Variants in TAB2 observed in about 807,000 individuals in gnomAD.
TAB2 encodes the protein TGF-beta activated kinase 1 (MAP3K7) binding protein 2, also known as TGF-beta-activated kinase 1 and MAP3K7-binding protein 2.
In TAB2, 3 loss-of-function variants were observed where a neutral mutation model predicts 65.0. That is an observed-to-expected ratio of 0.05 (90% confidence interval 0.02 to 0.12). The LOEUF (loss-of-function observed/expected upper bound fraction) is 0.12, where lower values mean the gene tolerates loss of function less well. Ranked by LOEUF, TAB2 falls within the 10% of genes least tolerant of loss-of-function variation. The pLI is 1.00. For synonymous variants in TAB2, 298 were observed against 285.1 expected, an observed-to-expected ratio of 1.05 and a Z score of -0.46; for missense variants, 623 against 840.3, an observed-to-expected ratio of 0.74 and a Z score of 3.20.
At chr6:149,355,945 T>G (rs147651571) in intron 1 of TAB2, among the ~76,000 whole-genome samples, 1 of 152,118 alleles carries the variant, frequency 6.6e-6, no homozygotes, top group African/African-American at 2.4e-5. Flanking sequence ...ATTTTTCAAA[T>G]GTATTGCCAC....
chr6:149,316,119 CGTTAAA>C (rs35795559), upstream of TAB2, among the ~76,000 whole-genome samples: 1,540 of 152,202 alleles, frequency 0.01, 26 homozygotes, highest in African/African-American at 0.035. Flanking sequence ...TGCTGTAAAG[CGTTAAA>C]GTTAATGATT....
At chr6:149,283,652 G>A (rs773526561) in intron 1 of TAB2, among the ~76,000 whole-genome samples, 1 of 152,136 alleles carries the variant, frequency 6.6e-6, no homozygotes, top group Non-Finnish European at 1.5e-5. Flanking sequence ...AGAGATTGCA[G>A]TGAGCCGAGA....
At chr6:149,351,886 C>G (rs1780502644) in intron 1 of TAB2, among the ~76,000 whole-genome samples, 1 of 152,136 alleles carries the variant, frequency 6.6e-6, no homozygotes, top group African/African-American at 2.4e-5. Flanking sequence ...TAGGTTATCT[C>G]TGTTTTAAAC....
At chr6:149,222,809 G>GTC (rs1166501850) in intron 1 of TAB2, among the ~76,000 whole-genome samples, 3 of 152,114 alleles carry the variant, frequency 2.0e-5, no homozygotes, top group African/African-American at 7.2e-5. Context: ...GCAAGACTGT[G>GTC]TCTCTCTCTC....
At chr6:149,358,633 C>G (rs1780745587) in intron 1 of TAB2, among the ~76,000 whole-genome samples, 1 of 15,452 alleles carries the variant, frequency 6.5e-5, no homozygotes, top group South Asian at 2.1e-3. Context: ...TTTTTCTCTT[C>G]AGAACTCTGT....
upstream of TAB2, among the ~76,000 whole-genome samples, chr6:149,315,493 A>G (rs1288864154): frequency 6.6e-6 from 1 of 152,248 alleles, no homozygotes; most frequent in African/African-American, 2.4e-5. Context: ...CTTATAAACA[A>G]GGATATTCTC....
chr6:149,308,102 T>C (rs1469247301), intron 1 of TAB2, among the ~76,000 whole-genome samples: 1 of 152,250 alleles, frequency 6.6e-6, no homozygotes, highest in Non-Finnish European at 1.5e-5. Flanking sequence ...GCACCATAAT[T>C]TAACTCATTA....
intron 2 of TAB2, among the ~76,000 whole-genome samples, chr6:149,374,112 C>G (rs1271847002): frequency 1.3e-5 from 2 of 152,124 alleles, no homozygotes; most frequent in South Asian, 2.1e-4. Context: ...ACTCTGAAAA[C>G]TAGTGAAAAG....
intron 3 of TAB2, chr6:149,379,860 C>A (rs1781551622): frequency 2.2e-6 from 1 of 451,458 alleles, no homozygotes; most frequent in Admixed American, 2.4e-5. Flanking sequence ...AATAAAAATT[C>A]CTAGAAATAA....
intron 1 of TAB2, among the ~76,000 whole-genome samples, chr6:149,234,054 A>C (rs1038697586): frequency 6.6e-6 from 1 of 152,206 alleles, no homozygotes; most frequent in African/African-American, 2.4e-5. Flanking sequence ...AATAATAATA[A>C]TCAGTCACAT....
chr6:149,250,740 T>A (rs1166776072), intron 1 of TAB2, among the ~76,000 whole-genome samples: 2 of 152,246 alleles, frequency 1.3e-5, no homozygotes, highest in East Asian at 3.8e-4. Context: ...GGCTATTTTT[T>A]ACCAGGTACG....
At chr6:149,362,026 A>G (rs1017429632) in intron 1 of TAB2, among the ~76,000 whole-genome samples, 2 of 152,166 alleles carry the variant, frequency 1.3e-5, no homozygotes, top group Non-Finnish European at 2.9e-5. Context: ...TTTGATTATA[A>G]CCATTTAACC....
chr6:149,323,133 G>A (rs996462499), intron 1 of TAB2, among the ~76,000 whole-genome samples: 1 of 152,034 alleles, frequency 6.6e-6, no homozygotes, highest in African/African-American at 2.4e-5. Flanking sequence ...TCTTTTTGTA[G>A]TAAACTCCTG....
At chr6:149,315,838 C>G (rs1047180836), upstream of TAB2, among the ~76,000 whole-genome samples, 3 of 152,210 alleles carry the variant, frequency 2.0e-5, no homozygotes, top group African/African-American at 7.2e-5. Flanking sequence ...TATGTACCTT[C>G]TTTGCCCCCC....
At chr6:149,310,989 G>A (rs1272838892) in intron 1 of TAB2, among the ~76,000 whole-genome samples, 2 of 152,152 alleles carry the variant, frequency 1.3e-5, no homozygotes, top group East Asian at 1.9e-4. Context: ...TACCTTTGCC[G>A]AGTGATGACT....
At chr6:149,278,591 G>A (rs141722083) in intron 1 of TAB2, among the ~76,000 whole-genome samples, 35 of 152,284 alleles carry the variant, frequency 2.3e-4, no homozygotes, top group Admixed American at 7.2e-4. Flanking sequence ...CTAAGATTCC[G>A]ATAAGCCAAA....
At chr6:149,266,827 G>A (rs1778273252) in intron 1 of TAB2, among the ~76,000 whole-genome samples, 2 of 152,018 alleles carry the variant, frequency 1.3e-5, no homozygotes, top group South Asian at 4.1e-4. Context: ...TACCAGTCAG[G>A]GTCTGGTTGA....
chr6:149,225,467 A>G (rs1190293720), intron 1 of TAB2, among the ~76,000 whole-genome samples: 4 of 152,240 alleles, frequency 2.6e-5, no homozygotes, highest in Admixed American at 2.6e-4. Flanking sequence ...GAGGTAGTCC[A>G]AGGTTTTTTG....
intron 3 of TAB2, among the ~76,000 whole-genome samples, chr6:149,390,852 G>A (rs1365180159): frequency 6.6e-6 from 1 of 152,124 alleles, no homozygotes; most frequent in African/African-American, 2.4e-5. Context: ...GCAAAGCCCA[G>A]TCATTTATCT....
Sources: gnomAD v4.1 joint callset for allele counts (sites outside exome capture counted in the v4.1 genomes callset) on GRCh38, gnomAD v4.1.1 for gene constraint, MANE v1.5 for transcripts, NCBI Gene and HGNC (gene_info 2026-07-23, HGNC 2026-07-21) for gene names.